SOX6: variants seen among roughly 807,000 people sequenced by gnomAD.
The protein encoded by SOX6 is SRY-box transcription factor 6, also known as transcription factor SOX-6.
A neutral mutation model predicts 97.8 loss-of-function variants in SOX6; 11 were observed. The observed-to-expected ratio is 0.11, with a 90% CI of 0.07 to 0.19. The LOEUF (loss-of-function observed/expected upper bound fraction) is 0.19. SOX6 is among the 10% of genes least tolerant of loss of function. The probability of loss-of-function intolerance (pLI) is 1.00; values close to 1 mark genes in which losing one functional copy is unlikely to be tolerated. For missense variants in SOX6, 810 were observed against 1,039.5 expected, an observed-to-expected ratio of 0.78 and a Z score of 3.04; for synonymous variants, 360 against 371.4, an observed-to-expected ratio of 0.97 and a Z score of 0.35.
At chr11:16,008,261 C>T (rs1854614748) in intron 13 of SOX6, among the ~76,000 whole-genome samples, 1 of 152,064 alleles carries the variant, frequency 6.6e-6, no homozygotes, top group Non-Finnish European at 1.5e-5. Context: ...TTTTTATCTA[C>T]AGTTGATTGA....
At chr11:16,513,385 C>T (rs1565167858) in intron 4 of SOX6, among the ~76,000 whole-genome samples, 1 of 152,194 alleles carries the variant, frequency 6.6e-6, no homozygotes, top group Non-Finnish European at 1.5e-5. Context: ...GTAATCCCAG[C>T]ACTTTGGGAG....
rs182158778 is a variant in SOX6 at position 16,514,635 on chromosome 11, C to T, written n.610-38247G>A. Among the ~76,000 whole-genome samples the T allele has an allele frequency of 2.5e-3, 386 of 151,442 alleles. 4 individuals are homozygous for T. The highest frequency in any genetic ancestry group is 5.2e-3 in the Admixed American group (79 of 15,214). Reference sequence around the variant, plus strand: ...TAGGTATACATGTGCCACACTGGTGCGCTGCACCCACTAACTCGTCATCTA... The same window carrying T: ...TAGGTATACATGTGCCACACTGGTGTGCTGCACCCACTAACTCGTCATCTA... On this transcript the variant is annotated intron_variant and non_coding_transcript_variant, in intron 4 of 5. Transcript: ENST00000524520.
chr11:16,439,153 T>C (rs1859449308), intron 1 of SOX6, among the ~76,000 whole-genome samples: 1 of 152,166 alleles, frequency 6.6e-6, no homozygotes, highest in South Asian at 2.1e-4. Context: ...AGAAAAACTA[T>C]GGGCAATATT....
At chr11:16,042,072 A>T (rs1459938399) in intron 12 of SOX6, among the ~76,000 whole-genome samples, 2 of 152,194 alleles carry the variant, frequency 1.3e-5, no homozygotes, top group African/African-American at 2.4e-5. Flanking sequence ...TCTTCAAAAC[A>T]TCCCTTCAAG....
chr11:16,486,567 TA>T, intron 4 of SOX6, among the ~76,000 whole-genome samples: 1 of 152,130 alleles, frequency 6.6e-6, no homozygotes. Flanking sequence ...CTTATTAAAA[TA>T]AAAAAATTGT....
At chr11:16,211,649 A>G (rs911381938) in intron 4 of SOX6, among the ~76,000 whole-genome samples, 1 of 152,150 alleles carries the variant, frequency 6.6e-6, no homozygotes, top group East Asian at 1.9e-4. Flanking sequence ...GGTTACAACC[A>G]GTCTATAGCA....
At chr11:16,042,433 C>G (rs1159714643) in intron 12 of SOX6, among the ~76,000 whole-genome samples, 1 of 152,124 alleles carries the variant, frequency 6.6e-6, no homozygotes. Context: ...TGCTTTTCTG[C>G]TTCGCTGTTT....
At chr11:16,687,688 C>A (rs1017582301) in intron 3 of SOX6, among the ~76,000 whole-genome samples, 3 of 152,052 alleles carry the variant, frequency 2.0e-5, no homozygotes, top group Admixed American at 6.5e-5. Flanking sequence ...TGTATTTCCA[C>A]CCTGCTTTAT....
intron 4 of SOX6, among the ~76,000 whole-genome samples, chr11:16,547,115 G>A (rs1179436358): frequency 6.6e-6 from 1 of 152,084 alleles, no homozygotes; most frequent in African/African-American, 2.4e-5. Context: ...AAAAATAACA[G>A]ATGATGGTGA....
intron 3 of SOX6, chr11:16,313,293 AG>A (rs1349886875): frequency 7.9e-5 from 12 of 152,326 alleles, no homozygotes; most frequent in Admixed American, 7.9e-4. Flanking sequence ...CTTGTAGATG[AG>A]GGCAAATGAG....
intron 1 of SOX6, among the ~76,000 whole-genome samples, chr11:16,458,145 A>C (rs970041062): frequency 6.6e-6 from 1 of 151,612 alleles, no homozygotes; most frequent in African/African-American, 2.4e-5. Context: ...AGATTTCCAA[A>C]CCACCTCTCT....
At position 16,027,031 on chromosome 11, in the gene SOX6, A is replaced by T. The variant is rs545075717; in HGVS notation, c.1624-11981T>A. 6.1e-4 allele frequency among the ~76,000 whole-genome samples: 93 copies of T among 152,314 alleles called. 1 individual carries two copies. The South Asian group carries it at 6.8e-3, about 11-fold the overall frequency. On this transcript the variant is annotated intron_variant, in intron 12 of 15. Coordinates refer to ENST00000683767, the MANE Select transcript of SOX6 (RefSeq NM_001367873.1). ...TGATATCAATTACAGTATAATTACC[A>T]TTACTTCCAACAGAGTTAACATGTA...
intron 10 of SOX6, 34 bp downstream of exon 10, chr11:16,055,718 A>C (rs1356146410): frequency 1.2e-6 from 2 of 1,613,158 alleles, no homozygotes; most frequent in African/African-American, 1.3e-5. Flanking sequence ...ACTTTTTTCT[A>C]AACTGTTTCC....
rs116600128 is a variant in SOX6, at chr11:16,528,060, G to A, written n.610-51672C>T. 2.6e-3 allele frequency among the ~76,000 whole-genome samples: 400 copies of A among 152,080 alleles called. 1 individual carries two copies. Among genetic ancestry groups the A allele is most frequent in the African/African-American group, 9.0e-3 (374 of 41,478 alleles). ...AAGGCTGTGAGTCAGATTCAAGCCCGCTCCATTATTTTCTTATTCTAGATC... is the reference window on the plus strand; with the variant it reads ...AAGGCTGTGAGTCAGATTCAAGCCCACTCCATTATTTTCTTATTCTAGATC... On this transcript the variant is annotated intron_variant and non_coding_transcript_variant, in intron 4 of 5. Coordinates refer to the SOX6 transcript ENST00000524520.
chr11:16,418,870 C>A (rs1380153410), intron 1 of SOX6, among the ~76,000 whole-genome samples: 1 of 152,148 alleles, frequency 6.6e-6, no homozygotes, highest in East Asian at 1.9e-4. Context: ...TGTTGCCATG[C>A]AGCTAAACAA....
intron 1 of SOX6, among the ~76,000 whole-genome samples, chr11:16,451,451 C>T (rs1479581989): frequency 6.6e-6 from 1 of 152,088 alleles, no homozygotes; most frequent in Non-Finnish European, 1.5e-5. Flanking sequence ...CAAAAGCCTT[C>T]CCCCAGAGCA....
At chr11:16,669,807 C>T (rs1564864680) in intron 3 of SOX6, among the ~76,000 whole-genome samples, 1 of 152,180 alleles carries the variant, frequency 6.6e-6, no homozygotes, top group Non-Finnish European at 1.5e-5. Context: ...GCCACACAAC[C>T]TGGAACTCTG....
chr11:16,246,113 A>G (rs572203348), intron 3 of SOX6, among the ~76,000 whole-genome samples: 1 of 151,376 alleles, frequency 6.6e-6, no homozygotes, highest in African/African-American at 2.4e-5. Flanking sequence ...TATTATATGC[A>G]TCTTTAACTT....
intron 3 of SOX6, among the ~76,000 whole-genome samples, chr11:16,670,963 G>A (rs1590046373): frequency 6.6e-6 from 1 of 151,914 alleles, no homozygotes; most frequent in East Asian, 1.9e-4. Context: ...GACTAAGCAA[G>A]AGCCTACCAA....
Sources: allele counts gnomAD v4.1 joint callset (sites outside exome capture counted in the v4.1 genomes callset), GRCh38; gene constraint gnomAD v4.1.1; transcripts MANE v1.5; gene names NCBI Gene and HGNC (gene_info 2026-07-23, HGNC 2026-07-21).